The following ATP6V0D2 variants were observed in gnomAD, a reference collection of about 807,000 sequenced individuals.
ATP6V0D2 encodes ATPase H+ transporting V0 subunit d2.
In ATP6V0D2, 40 loss-of-function variants were observed where a neutral mutation model predicts 40.0. That is an observed-to-expected ratio of 1.00 (90% confidence interval 0.78 to 1.30). The LOEUF (loss-of-function observed/expected upper bound fraction) is 1.30, where lower values mean the gene tolerates loss of function less well. Ranked by LOEUF, ATP6V0D2 falls within the 50% of genes most tolerant of loss-of-function variation. The pLI, the probability that ATP6V0D2 is intolerant of heterozygous loss-of-function variation, is 0.00. For missense variants in ATP6V0D2, 470 were observed against 423.1 expected (o/e 1.11, Z -0.97); for synonymous variants, 179 against 156.3 (o/e 1.15, Z -1.08).
At chr8:86,103,507 GC>G (rs1168565531) in intron 1 of ATP6V0D2, among the ~76,000 whole-genome samples, 1 of 151,874 alleles carries the variant, frequency 6.6e-6, no homozygotes, top group Non-Finnish European at 1.5e-5. Context: ...TAACAATGGT[GC>G]CCCCCTGTCA....
At chr8:86,145,329 G>GGAAAGAAAGAAAA in intron 5 of ATP6V0D2, among the ~76,000 whole-genome samples, 1 of 36,142 alleles carries the variant, frequency 2.8e-5, no homozygotes, top group Non-Finnish European at 5.1e-5. Flanking sequence ...AAGGAAAGAA[G>GGAAAGAAAGAAAA]GAAAGAAGGA....
chr8:86,149,714 T>C (rs1020368761), intron 5 of ATP6V0D2, among the ~76,000 whole-genome samples: 4 of 152,222 alleles, frequency 2.6e-5, no homozygotes, highest in African/African-American at 7.2e-5. Context: ...CCAAACATCA[T>C]GCTAAGCACT....
intron 2 of ATP6V0D2, among the ~76,000 whole-genome samples, chr8:86,120,112 T>G (rs975941527): frequency 6.6e-6 from 1 of 152,214 alleles, no homozygotes; most frequent in Admixed American, 6.5e-5. Context: ...AAAAATACAC[T>G]TTGAGCCAGG....
intron 4 of ATP6V0D2, 51 bp downstream of exon 4, chr8:86,141,580 G>GTA: frequency 7.5e-7 from 1 of 1,326,858 alleles, no homozygotes; most frequent in South Asian, 1.4e-5. Flanking sequence ...AATGTATTGT[G>GTA]ACTAGAGTTC....
chr8:86,117,208 T>C (rs1285038377), intron 2 of ATP6V0D2, among the ~76,000 whole-genome samples: 1 of 152,228 alleles, frequency 6.6e-6, no homozygotes, highest in East Asian at 1.9e-4. Context: ...GCTATACTCA[T>C]CAATGTTTTC....
chr8:86,149,987 G>A (rs1819121089), intron 5 of ATP6V0D2, 125 bp from the exon 6 acceptor site: 4 of 873,728 alleles, frequency 4.6e-6, no homozygotes, highest in East Asian at 2.6e-5. Flanking sequence ...CATGTCTGGA[G>A]TATAATTAGA....
At chr8:86,138,214 G>C (rs1364771952) in intron 2 of ATP6V0D2, among the ~76,000 whole-genome samples, 3 of 152,114 alleles carry the variant, frequency 2.0e-5, no homozygotes, top group Non-Finnish European at 4.4e-5. Context: ...CTTTTCCCCA[G>C]TTCCCAGCCC....
chr8:86,125,837 CT>C (rs1308990497), intron 2 of ATP6V0D2, among the ~76,000 whole-genome samples: 13 of 151,506 alleles, frequency 8.6e-5, no homozygotes, highest in Admixed American at 8.5e-4. Flanking sequence ...ACAATTTGTC[CT>C]TTTAAAATGT....
chr8:86,100,160 T>C (rs2130219321), intron 1 of ATP6V0D2, among the ~76,000 whole-genome samples: 1 of 152,192 alleles, frequency 6.6e-6, no homozygotes, highest in African/African-American at 2.4e-5. Flanking sequence ...TGAGTCTCAG[T>C]GTTCTCAGTT....
In ATP6V0D2 at chr8:86,115,358, A is replaced by ATTTTTTTTTTTTTTTTTTTTTTTTTT. The variant is rs564384965; in HGVS notation, c.302+1481_302+1506dup. Among the ~76,000 whole-genome samples, 3 of 73,280 alleles carry ATTTTTTTTTTTTTTTTTTTTTTTTTT rather than the reference A, an allele frequency of 4.1e-5. 1 individual carries two copies. Among genetic ancestry groups the ATTTTTTTTTTTTTTTTTTTTTTTTTT allele is most frequent in the African/African-American group, 1.7e-4 (3 of 17,848 alleles). The allele number at this position is 73,280 out of a possible 152,430, so 48.1% of individuals were successfully genotyped here. A position where few individuals can be genotyped will look rare whatever the true frequency, so the allele number is the denominator to read the frequency against. ...CTTTCTTTGTCCTTCCGTATCATCCATTTTTTTTTTTTTTTTTTTTTTTTT... is the reference window on the plus strand; with the variant it reads ...CTTTCTTTGTCCTTCCGTATCATCCATTTTTTTTTTTTTTTTTTTTTTTTTTTTTTTTTTTTTTTTTTTTTTTTTTT... On this transcript the variant is annotated intron_variant, in intron 2 of 7. Transcript: ENST00000285393.
intron 2 of ATP6V0D2, among the ~76,000 whole-genome samples, chr8:86,119,356 G>A (rs1220845750): frequency 6.6e-6 from 1 of 150,408 alleles, no homozygotes; most frequent in Non-Finnish European, 1.5e-5. Flanking sequence ...AGCCTTCCAA[G>A]TAGCTGGGTC....
At chr8:86,110,778 G>T (rs7821560) in intron 1 of ATP6V0D2, among the ~76,000 whole-genome samples, 71,687 of 151,938 alleles carry the variant, frequency 0.47, 18,044 homozygotes, top group Non-Finnish European at 0.56. Context: ...AGTGCCAGTA[G>T]GTTATGTATT....
rs59915079 is a variant in ATP6V0D2, at chr8:86,101,462, GA to G, written c.130+2377del. 7.7e-3 allele frequency among the ~76,000 whole-genome samples: 604 copies of G among 78,146 alleles called. 3 individuals carry two copies. Among genetic ancestry groups the G allele is most frequent in the African/African-American group, 0.018 (414 of 22,476 alleles). 51.3% of individuals were successfully genotyped at this position (78,146 alleles called of 152,430 possible). Reference sequence around the variant, plus strand: ...GCGACAGAGTGAGACCCTGTCTCAGGAAAAAAAAAAAAAAAAAAAAAAAGAA... The same window carrying G: ...GCGACAGAGTGAGACCCTGTCTCAGGAAAAAAAAAAAAAAAAAAAAAAGAA... On this transcript the variant is annotated intron_variant, in intron 1 of 7. Transcript: ENST00000285393.
chr8:86,149,212 C>G (rs575124253), intron 5 of ATP6V0D2, among the ~76,000 whole-genome samples: 1 of 151,984 alleles, frequency 6.6e-6, no homozygotes, highest in East Asian at 1.9e-4. Context: ...CCCAAGAAAA[C>G]CATGGCAAGC....
At chr8:86,131,654 C>A (rs1818826943) in intron 2 of ATP6V0D2, among the ~76,000 whole-genome samples, 1 of 151,830 alleles carries the variant, frequency 6.6e-6, no homozygotes, top group Non-Finnish European at 1.5e-5. Flanking sequence ...GCACCTGTCA[C>A]CACGCCCAGC....
chr8:86,114,843 G>C (rs946693868), intron 2 of ATP6V0D2, among the ~76,000 whole-genome samples: 7 of 152,108 alleles, frequency 4.6e-5, no homozygotes, highest in African/African-American at 1.4e-4. Context: ...TAAATGAGCT[G>C]TGTGTTATGT....
chr8:86,124,171 G>A lies in ATP6V0D2; in HGVS notation c.302+10291G>A, dbSNP rs59388462. 6.1e-3 allele frequency among the ~76,000 whole-genome samples: 923 copies of A among 152,268 alleles called. 11 individuals are homozygous for A. The highest frequency in any genetic ancestry group is 0.021 in the African/African-American group (889 of 41,544). On this transcript the variant is annotated intron_variant, in intron 2 of 7. Coordinates refer to ENST00000285393, the MANE Select transcript of ATP6V0D2 (RefSeq NM_152565.1). ...AGAGATTCAATGGGAATAGTCAAAGGGGAGCAAGTGCAGGGCAAACACATC... is the reference window on the plus strand; with the variant it reads ...AGAGATTCAATGGGAATAGTCAAAGAGGAGCAAGTGCAGGGCAAACACATC...
At chr8:86,145,253 GAGAGAAAGAAAGAAAGAAAGAAAGAA>G (rs1819041311) in intron 5 of ATP6V0D2, among the ~76,000 whole-genome samples, 1 of 45,046 alleles carries the variant, frequency 2.2e-5, no homozygotes, top group African/African-American at 1.3e-4. Flanking sequence ...GAGAGAGAGA[GAGAGAAAGAAAGAAAGAAAGAAAGAA>G]AGAAAGAAAG....
rs1818971891 is a variant in ATP6V0D2 at position 86,141,484 on chromosome 8, T to C, written c.516T>C (p.Ala172=). Residue 172 remains alanine, a synonymous_variant, in exon 4 of 8, where the codon GCT becomes GCC. Coordinates refer to ENST00000285393, the MANE Select transcript of ATP6V0D2 (RefSeq NM_152565.1). ...PFFQDCMSEN[A]LDELNIELLR... is the part of the protein sequence containing the mutation. ...TCCAAGACTGCATGTCTGAAAATGC[T>C]CTAGATGAACTGAATATTGAATTGC... 1 of 1,611,026 alleles carries C rather than the reference T, an allele frequency of 6.2e-7. No homozygotes were observed. Among genetic ancestry groups the C allele is most frequent in the Non-Finnish European group, 8.5e-7 (1 of 1,178,328 alleles).
Sources: gnomAD v4.1 joint callset for allele counts (sites outside exome capture counted in the v4.1 genomes callset) on GRCh38, gnomAD v4.1.1 for gene constraint, MANE v1.5 for transcripts, NCBI Gene and HGNC (gene_info 2026-07-23, HGNC 2026-07-21) for gene names.